Variants in KDM1B observed in about 807,000 individuals in gnomAD.
KDM1B encodes lysine-specific histone demethylase 2.
A neutral mutation model predicts 107.4 loss-of-function variants in KDM1B; 63 were observed. The ratio of observed to expected loss-of-function variants is 0.59; its 90% CI spans 0.48 to 0.72. KDM1B has a LOEUF of 0.72. Ranked by LOEUF, KDM1B falls within the 30% of genes least tolerant of loss-of-function variation. The probability of loss-of-function intolerance (pLI) is 0.00; values close to 1 mark genes in which losing one functional copy is unlikely to be tolerated. For synonymous variants in KDM1B, 363 were observed against 363.9 expected (o/e 1.00, Z 0.03); for missense variants, 749 against 1,020.8 (o/e 0.73, Z 3.63).
chr6:18,220,449 T>C (rs537592022), intron 21 of KDM1B, among the ~76,000 whole-genome samples: 99 of 152,236 alleles, frequency 6.5e-4, no homozygotes, highest in Non-Finnish European at 1.1e-3. Flanking sequence ...CTCAGGAGGC[T>C]GAGGTAGAAT....
At chr6:18,166,542 A>C (rs1290302456) in intron 6 of KDM1B, among the ~76,000 whole-genome samples, 164 bp downstream of exon 6, 1 of 152,190 alleles carries the variant, frequency 6.6e-6, no homozygotes, top group Non-Finnish European at 1.5e-5. Context: ...ATATTTCAAC[A>C]TAGTATAAAA....
At position 18,162,230 on chromosome 6, in the gene KDM1B, A is replaced by G. The variant is rs1785018772; in HGVS notation, c.216-605A>G. On this transcript the variant is annotated intron_variant, in intron 4 of 21. Transcript: ENST00000650836. The surrounding 1 kb of genome is among the most constrained non-coding windows in gnomAD (Gnocchi z 4.1). Reference sequence around the variant, plus strand: ...CAGCCACTCAGGAGGCTGAGGCATGAGAATCGCTTGAACCCAGGAGGCAGA... The same window carrying G: ...CAGCCACTCAGGAGGCTGAGGCATGGGAATCGCTTGAACCCAGGAGGCAGA... Among the ~76,000 whole-genome samples, 1 of 152,170 alleles carries G rather than the reference A, an allele frequency of 6.6e-6. No individual in the cohort carries two copies. Among genetic ancestry groups the G allele is most frequent in the Admixed American group, 6.5e-5 (1 of 15,280 alleles).
chr6:18,185,139 A>G (rs1786769969), intron 7 of KDM1B, among the ~76,000 whole-genome samples: 1 of 152,196 alleles, frequency 6.6e-6, no homozygotes. Flanking sequence ...CCCAGTTAGA[A>G]TTGCTGGATG....
At chr6:18,193,305 T>C (rs960876077) in intron 10 of KDM1B, among the ~76,000 whole-genome samples, 1 of 143,888 alleles carries the variant, frequency 6.9e-6, no homozygotes, top group African/African-American at 2.6e-5. Context: ...TTTCTTTTTT[T>C]TTTTTTTTTT....
chr6:18,211,398 C>G lies in KDM1B; in HGVS notation c.1867-1090C>G, dbSNP rs1198256466. ...CTCCCTACAGCAGGTTTCTAAACATCCATCCAGCCCAGCCAATCTGATGCA... is the reference window on the plus strand; with the variant it reads ...CTCCCTACAGCAGGTTTCTAAACATGCATCCAGCCCAGCCAATCTGATGCA... On this transcript the variant is annotated intron_variant, in intron 17 of 21. Transcript: ENST00000650836. The surrounding 1 kb of genome is among the most constrained non-coding windows in gnomAD (Gnocchi z 5.2). 6.6e-6 allele frequency: 1 copy of G among 152,298 alleles called. No homozygotes were observed. The highest frequency in any genetic ancestry group is 1.5e-5 in the Non-Finnish European group (1 of 68,122). 9.4% of individuals were successfully genotyped at this position (152,298 alleles called of 1,614,324 possible). A position where few individuals can be genotyped will look rare whatever the true frequency, so the allele number is the denominator to read the frequency against.
chr6:18,179,848 TC>T lies in KDM1B; in HGVS notation c.535-5922del, dbSNP rs1561921335. Among the ~76,000 whole-genome samples, 6 of 48,300 alleles carry T rather than the reference TC, an allele frequency of 1.2e-4. No homozygotes were observed. In the South Asian group the frequency reaches 2.0e-3, roughly 16 times the overall value. 31.7% of individuals were successfully genotyped at this position (48,300 alleles called of 152,430 possible). On this transcript the variant is annotated intron_variant, in intron 7 of 21. Coordinates refer to ENST00000650836, the MANE Select transcript of KDM1B (RefSeq NM_001364614.2). ...CTTTCAATTTAGCATTGGTTTTTTT[TC>T]CTTTTTTTTTTTTTTTTTTTTTTTT...
rs757291317 is a variant in KDM1B at position 18,172,180 on chromosome 6, C to T, written c.534+701C>T. ...TGCTTGGCAATTAGGAATCGGCCAT[C>T]GTTGTTATAATGTGCCTTTTTTGAA... is the stretch of plus-strand genomic sequence containing the variant. On this transcript the variant is annotated intron_variant, in intron 7 of 21. Transcript: ENST00000650836. The surrounding 1 kb of genome is among the most constrained non-coding windows in gnomAD (Gnocchi z 5.2). 1.6e-4 allele frequency among the ~76,000 whole-genome samples: 24 copies of T among 152,088 alleles called. No individual in the cohort carries two copies. Among genetic ancestry groups the T allele is most frequent in the Non-Finnish European group, 2.9e-4 (20 of 68,032 alleles).
intron 3 of KDM1B, among the ~76,000 whole-genome samples, chr6:18,160,974 G>T (rs1235752135): frequency 6.6e-6 from 1 of 151,248 alleles, no homozygotes; most frequent in Non-Finnish European, 1.5e-5. Context: ...GGCTGGTCTT[G>T]GACTCCTGAG....
chr6:18,207,445 T>C lies in KDM1B; in HGVS notation c.1707T>C (p.Ala569=), dbSNP rs1373324719. The change falls in exon 16 of 22, where the codon GCT becomes GCC. Residue 569 remains alanine, a synonymous_variant. Coordinates refer to ENST00000650836, the MANE Select transcript of KDM1B (RefSeq NM_001364614.2). ...WDHNEFFAQF[A]GDHTLLTPGY... ...ACAATGAATTCTTTGCCCAGTTTGCTGGTGACCACACTCTGCTAACTCCCG... is the reference window on the plus strand; with the variant it reads ...ACAATGAATTCTTTGCCCAGTTTGCCGGTGACCACACTCTGCTAACTCCCG... 2.3e-5 allele frequency: 37 copies of C among 1,614,100 alleles called. No homozygotes were observed. Among genetic ancestry groups the C allele is most frequent in the Non-Finnish European group, 2.8e-5 (33 of 1,180,040 alleles).
At chr6:18,167,734 A>G (rs1001863565) in intron 6 of KDM1B, among the ~76,000 whole-genome samples, 3 of 151,920 alleles carry the variant, frequency 2.0e-5, no homozygotes, top group Admixed American at 2.0e-4. Context: ...TCAGCCTCCC[A>G]CAGTGCTGGG....
At position 18,209,332 on chromosome 6, in the gene KDM1B, A is replaced by G. The variant is rs1788648139; in HGVS notation, c.1866+1126A>G. On this transcript the variant is annotated intron_variant, in intron 17 of 21. Transcript: ENST00000650836. This position sits in a 1 kb window ranked among gnomAD's most constrained non-coding sequence, Gnocchi z 4.3. ...TTGATGAACTATCACTAGTTCCTAG[A>G]CTAGCTATGCTTCCTACACTTCAGG... is the stretch of plus-strand genomic sequence containing the variant. Among the ~76,000 whole-genome samples, 1 of 152,208 alleles carries G rather than the reference A, an allele frequency of 6.6e-6. No individual in the cohort carries two copies. The highest frequency in any genetic ancestry group is 2.1e-4 in the South Asian group (1 of 4,826).
At chr6:18,188,551 G>A (rs934410324) in intron 9 of KDM1B, among the ~76,000 whole-genome samples, 16 of 152,070 alleles carry the variant, frequency 1.1e-4, no homozygotes, top group African/African-American at 3.9e-4. Context: ...TGATCCCAGC[G>A]AAATCACCTA....
intron 21 of KDM1B, among the ~76,000 whole-genome samples, chr6:18,219,342 A>C (rs1423520548): frequency 6.6e-6 from 1 of 152,178 alleles, no homozygotes; most frequent in Admixed American, 6.6e-5. Flanking sequence ...GCTAAAATAA[A>C]GATGAGTTTT....
intron 2 of KDM1B, among the ~76,000 whole-genome samples, chr6:18,157,834 A>G (rs1447944327): frequency 1.9e-5 from 2 of 107,018 alleles, no homozygotes; most frequent in African/African-American, 7.8e-5. Flanking sequence ...TTTTTTTGAG[A>G]TGGAGTCTCA....
Position 18,191,542 on chromosome 6 carries a change from T to C in KDM1B, c.969+161T>C, listed in dbSNP as rs1339658738. Among the ~76,000 whole-genome samples, 1 of 152,154 alleles carries C rather than the reference T, an allele frequency of 6.6e-6. No individual in the cohort carries two copies. Among genetic ancestry groups the C allele is most frequent in the Non-Finnish European group, 1.5e-5 (1 of 68,032 alleles). On this transcript the variant is annotated intron_variant, in intron 10 of 21. Transcript: ENST00000650836. The surrounding 1 kb of genome is among the most constrained non-coding windows in gnomAD (Gnocchi z 5.1). The stretch of plus-strand genomic sequence containing the variant: ...AATTCTTTGTGGTGGGGACTGTCTT[T>C]GCACTGTAGGATATTTAGCAAGATC...
intron 7 of KDM1B, among the ~76,000 whole-genome samples, chr6:18,180,691 G>A (rs9396836): frequency 0.67 from 101,836 of 151,912 alleles, 35,784 homozygotes; most frequent in East Asian, 0.8. Flanking sequence ...TCAGCCTCCC[G>A]AGTAGCTGGA....
Position 18,171,370 on chromosome 6 carries a change from G to T in KDM1B, c.425G>T (p.Cys142Phe). The change falls in exon 7 of 22, where the codon TGT becomes TTT. Residue 142 changes from cysteine to phenylalanine, a missense_variant. Physicochemically the swap from Cys to Phe is radical, Grantham distance 205. Transcript: ENST00000650836. ...ADQQLPYWVQ[C>F]TKPECRKWRQ... ...TTGATACTTCCCATCTAGGTTCAGT[G>T]TACAAAACCTGAGTGTAGAAAATGG... The T allele has an allele frequency of 6.3e-7, 1 of 1,574,804 alleles. No individual in the cohort carries two copies. Among genetic ancestry groups the T allele is most frequent in the African/African-American group, 1.3e-5 (1 of 74,364 alleles).
intron 9 of KDM1B, among the ~76,000 whole-genome samples, chr6:18,189,922 G>C (rs1554145499): frequency 6.6e-6 from 1 of 151,980 alleles, no homozygotes; most frequent in Non-Finnish European, 1.5e-5. Context: ...GAGACGGGCA[G>C]ATCATGAGGT....
At chr6:18,193,252 A>AATATATTG (rs1217369168) in intron 10 of KDM1B, among the ~76,000 whole-genome samples, 2 of 150,676 alleles carry the variant, frequency 1.3e-5, no homozygotes, top group Non-Finnish European at 3.0e-5. Context: ...GGAAAACATA[A>AATATATTG]ATATATTGGC....
Sources: allele counts gnomAD v4.1 joint callset (sites outside exome capture counted in the v4.1 genomes callset), GRCh38; gene constraint gnomAD v4.1.1; non-coding constraint Gnocchi (gnomAD v3.1); transcripts MANE v1.5; gene names NCBI Gene and HGNC (gene_info 2026-07-23, HGNC 2026-07-21).